The following WRAP53 variants were observed in gnomAD, a reference collection of about 807,000 sequenced individuals.
WRAP53 encodes WD repeat containing antisense to TP53.
In WRAP53, 28 loss-of-function variants were observed where a neutral mutation model predicts 56.6. The observed-to-expected ratio is 0.50, with a 90% CI of 0.37 to 0.68. The LOEUF (loss-of-function observed/expected upper bound fraction) is 0.68, where lower values mean the gene tolerates loss of function less well. Among genes scored for constraint, WRAP53 ranks in the 30% least tolerant of loss-of-function variants. WRAP53 has a pLI of 0.00. For synonymous variants in WRAP53, 283 were observed against 283.4 expected (o/e 1.00, Z 0.01); for missense variants, 671 against 715.5 (o/e 0.94, Z 0.71).
chr17:7,699,500 A>T (rs867848069), intron 4 of WRAP53, among the ~76,000 whole-genome samples: 10,142 of 29,476 alleles, frequency 0.34, 1,921 homozygotes, highest in Middle Eastern at 0.55. Flanking sequence ...ATATATATAT[A>T]TTTATATATA....
chr17:7,688,729 C>T lies in WRAP53; in HGVS notation c.81C>T (p.Pro27=), dbSNP rs776077808. 59 of 1,614,078 alleles carry T rather than the reference C, an allele frequency of 3.7e-5. No homozygotes were observed. Among genetic ancestry groups the T allele is most frequent in the Non-Finnish European group, 1.9e-5 (22 of 1,180,040 alleles). The change falls in exon 2 of 11, where the codon CCC becomes CCT. Residue 27 remains proline, a synonymous_variant. Coordinates refer to ENST00000396463, the MANE Select transcript of WRAP53 (RefSeq NM_001143992.2). The stretch of plus-strand genomic sequence containing the variant: ...ACCCAGCTCCAGCCCATCCTTCTCC[C>T]CACGCTTCCCCGATGAATAAAAATG... ...DQDPAPAHPS[P]HASPMNKNAD...
upstream of WRAP53, chr17:7,686,139 G>T (rs1160652331): frequency 6.6e-6 from 1 of 152,266 alleles, no homozygotes; most frequent in African/African-American, 2.4e-5. Context: ...AGGACCACAC[G>T]GACGCCTGCG....
At chr17:7,699,442 ATATATATATATATATTT>A (rs1567577142) in intron 4 of WRAP53, among the ~76,000 whole-genome samples, 2 of 65,380 alleles carry the variant, frequency 3.1e-5, no homozygotes, top group African/African-American at 1.5e-4. Context: ...AAAAAAATTT[ATATATATATATATATTT>A]ATATATATAT....
rs1303182733 is a variant in WRAP53 at position 7,701,533 on chromosome 17, G to A, written c.806G>A (p.Arg269His). Residue 269 changes from arginine to histidine, a missense_variant, in exon 6 of 11, where the codon CGC becomes CAC. Transcript: ENST00000396463. The surrounding 1 kb of genome is among the most constrained non-coding windows in gnomAD (Gnocchi z 4.2). ...AFTGELRASF[R>H]AYNHLDELTA... The stretch of plus-strand genomic sequence containing the variant: ...ACTGGAGAGCTCCGGGCTTCCTTTC[G>A]CGCCTACAACCACCTGGTAGGGACC... 7 of 1,614,088 alleles carry A rather than the reference G, an allele frequency of 4.3e-6. No individual in the cohort carries two copies. Among genetic ancestry groups the A allele is most frequent in the African/African-American group, 2.7e-5 (2 of 74,938 alleles).
upstream of WRAP53, chr17:7,687,909 A>G (rs1388086990): frequency 3.4e-6 from 1 of 297,002 alleles, no homozygotes; most frequent in Non-Finnish European, 6.2e-6. Context: ...GTTTTCTCCC[A>G]GATACTTTAT....
chr17:7,699,438 ATTTATATATATATATAT>A (rs1567577102), intron 4 of WRAP53, among the ~76,000 whole-genome samples: 22 of 85,184 alleles, frequency 2.6e-4, no homozygotes, highest in East Asian at 1.1e-3. Context: ...AAAAAAAAAA[ATTTATATATATATATAT>A]ATTTATATAT....
chr17:7,701,091 G>A lies in WRAP53; in HGVS notation c.731+262G>A, dbSNP rs1567578750. On this transcript the variant is annotated intron_variant, in intron 5 of 10. Transcript: ENST00000396463. The surrounding 1 kb of genome is among the most constrained non-coding windows in gnomAD (Gnocchi z 4.2). ...AGGTTGAAGTGATTCTCCTGCCTCAGCCTCCTGAGTAGCTGGGATTACAGG... is the reference window on the plus strand; with the variant it reads ...AGGTTGAAGTGATTCTCCTGCCTCAACCTCCTGAGTAGCTGGGATTACAGG... 6.6e-6 allele frequency among the ~76,000 whole-genome samples: 1 copy of A among 152,074 alleles called. No homozygotes were observed. The highest frequency in any genetic ancestry group is 1.5e-5 in the Non-Finnish European group (1 of 68,004).
intron 4 of WRAP53, among the ~76,000 whole-genome samples, chr17:7,699,539 TTC>T (rs2074247462): frequency 1.2e-5 from 1 of 81,510 alleles, no homozygotes; most frequent in African/African-American, 4.9e-5. Context: ...TATATATATA[TTC>T]CTAAGGAAAT....
intron 4 of WRAP53, among the ~76,000 whole-genome samples, chr17:7,699,835 A>G (rs2074251092): frequency 6.6e-6 from 1 of 151,156 alleles, no homozygotes. Flanking sequence ...CCTGGGCTCA[A>G]GCAATTCTCA....
At chr17:7,691,389 GGT>G (rs1491329434) in intron 4 of WRAP53, among the ~76,000 whole-genome samples, 2 of 145,224 alleles carry the variant, frequency 1.4e-5, no homozygotes, top group Non-Finnish European at 1.5e-5. Flanking sequence ...TCATGAGAGA[GGT>G]GTTTTTTTTT....
In WRAP53 at chr17:7,702,489, A is replaced by T; in HGVS notation, c.1101A>T (p.Gln367His). 1 of 1,613,632 alleles carries T rather than the reference A, an allele frequency of 6.2e-7. No homozygotes were observed. The highest frequency in any genetic ancestry group is 1.3e-5 in the African/African-American group (1 of 75,010). Reference sequence around the variant, plus strand: ...CTCTCGCCTTGCTGGGAGGGCACCAAGGGGGCATCACCCACCTCTGCTTTC... The same window carrying T: ...CTCTCGCCTTGCTGGGAGGGCACCATGGGGGCATCACCCACCTCTGCTTTC... ...GSPLALLGGH[Q>H]GGITHLCFHP... is the part of the protein sequence containing the mutation. The change falls in exon 8 of 11, where the codon CAA (glutamine) becomes CAT (histidine). Residue 367 changes from glutamine to histidine, a missense_variant. Gln to His is a conservative substitution (Grantham distance 24, BLOSUM62 0). Coordinates refer to ENST00000396463, the MANE Select transcript of WRAP53 (RefSeq NM_001143992.2). This position sits in a 1 kb window ranked among gnomAD's most constrained non-coding sequence, Gnocchi z 5.0.
chr17:7,699,522 T>TATATATTTATATATATATATA (rs1567577715), intron 4 of WRAP53, among the ~76,000 whole-genome samples: 1 of 14,110 alleles, frequency 7.1e-5, no homozygotes, highest in Non-Finnish European at 1.2e-4. Context: ...ATATATATAT[T>TATATATTTATATATATATATA]TATATATATA....
Position 7,702,452 on chromosome 17 carries a change from A to G in WRAP53, c.1064A>G (p.Asp355Gly). ...YGRSLGLYAWDDGSPLALLGG... is the reference protein window; with the variant it reads ...YGRSLGLYAWGDGSPLALLGG... ...CGCTCCCTGGGTCTGTATGCCTGGGATGATGGCTCCCCTCTCGCCTTGCTG... is the reference window on the plus strand; with the variant it reads ...CGCTCCCTGGGTCTGTATGCCTGGGGTGATGGCTCCCCTCTCGCCTTGCTG... Residue 355 changes from aspartate to glycine, a missense_variant, in exon 8 of 11, where the codon GAT (aspartate) becomes GGT (glycine). Asp to Gly is a moderately conservative substitution (Grantham distance 94). Transcript: ENST00000396463. This position sits in a 1 kb window ranked among gnomAD's most constrained non-coding sequence, Gnocchi z 5.0. 6.2e-7 allele frequency: 1 copy of G among 1,613,816 alleles called. No individual in the cohort carries two copies. The highest frequency in any genetic ancestry group is 8.5e-7 in the Non-Finnish European group (1 of 1,179,962).
At chr17:7,700,329 T>TTCC (rs1293319222) in intron 4 of WRAP53, among the ~76,000 whole-genome samples, 5 of 152,148 alleles carry the variant, frequency 3.3e-5, no homozygotes, top group African/African-American at 1.2e-4. Context: ...TATTTGTTTC[T>TTCC]TCCTCTCTAA....
rs556563734 is a variant in WRAP53 at position 7,700,858 on chromosome 17, G to A, written c.731+29G>A. The stretch of plus-strand genomic sequence containing the variant: ...AGTAATGTTTGCCTCCCTGCTCGCC[G>A]CCCCACCACCCAGTTTCAAGCAGGG... On this transcript the variant is annotated intron_variant, in intron 5 of 10. Coordinates refer to ENST00000396463, the MANE Select transcript of WRAP53 (RefSeq NM_001143992.2). The A allele has an allele frequency of 4.4e-5, 68 of 1,538,322 alleles. No individual in the cohort carries two copies. In the East Asian group the frequency reaches 1.1e-3, roughly 24 times the overall value.
intron 4 of WRAP53, among the ~76,000 whole-genome samples, chr17:7,699,605 TAGGAA>T (rs2074248521): frequency 7.2e-6 from 1 of 138,784 alleles, no homozygotes; most frequent in Non-Finnish European, 1.6e-5. Flanking sequence ...GAGTTTCTGT[TAGGAA>T]AGGGGTTTAA....
chr17:7,691,701 T>C (rs2074112315), intron 4 of WRAP53, among the ~76,000 whole-genome samples: 3 of 150,842 alleles, frequency 2.0e-5, no homozygotes, highest in African/African-American at 7.3e-5. Context: ...AATTTTTGTA[T>C]TTTTAGTAGA....
At chr17:7,696,547 C>T (rs2074188877) in intron 4 of WRAP53, among the ~76,000 whole-genome samples, 2 of 152,154 alleles carry the variant, frequency 1.3e-5, no homozygotes, top group Non-Finnish European at 2.9e-5. Context: ...ATCCGCCCGC[C>T]TTGGCCTCCC....
At chr17:7,700,633 A>T in intron 4 of WRAP53, 108 bp from the exon 5 acceptor site, 1 of 786,626 alleles carries the variant, frequency 1.3e-6, no homozygotes, top group Non-Finnish European at 2.3e-6. Context: ...ATTGAGACAG[A>T]GTCTGTGCTC....
Sources: gnomAD v4.1 joint callset for allele counts (sites outside exome capture counted in the v4.1 genomes callset) on GRCh38, gnomAD v4.1.1 for gene constraint, Gnocchi (gnomAD v3.1) non-coding constraint, MANE v1.5 for transcripts, NCBI Gene and HGNC (gene_info 2026-07-23, HGNC 2026-07-21) for gene names.